The following ERBB4 variants were observed in gnomAD, a reference collection of about 807,000 sequenced individuals.
ERBB4 encodes receptor tyrosine-protein kinase erbB-4.
In ERBB4, 42 loss-of-function variants were observed where a neutral mutation model predicts 158.0. The ratio of observed to expected loss-of-function variants is 0.27; its 90% CI spans 0.21 to 0.34. The LOEUF is 0.34. Among genes scored for constraint, ERBB4 ranks in the 10% least tolerant of loss-of-function variants. The pLI is 1.00. For synonymous variants in ERBB4, 583 were observed against 558.7 expected (o/e 1.04, Z -0.61); for missense variants, 1,333 against 1,624.1 (o/e 0.82, Z 3.08).
At chr2:211,902,939 C>A (rs1371783177) in intron 3 of ERBB4, among the ~76,000 whole-genome samples, 1 of 151,886 alleles carries the variant, frequency 6.6e-6, no homozygotes, top group African/African-American at 2.4e-5. Flanking sequence ...AAAATCTTCA[C>A]TCAGTAAAAC....
chr2:212,099,070 C>G (rs2079008885), intron 2 of ERBB4, among the ~76,000 whole-genome samples: 1 of 151,496 alleles, frequency 6.6e-6, no homozygotes, highest in African/African-American at 2.4e-5. Flanking sequence ...CACTTGAGCC[C>G]AGGAGTTCAA....
chr2:211,730,498 C>T (rs1412064225), intron 5 of ERBB4, among the ~76,000 whole-genome samples: 2 of 151,906 alleles, frequency 1.3e-5, no homozygotes, highest in African/African-American at 4.8e-5. Flanking sequence ...TCCTTCAGTG[C>T]CTTTTGATTA....
chr2:211,906,797 C>T (rs182077373), intron 3 of ERBB4, among the ~76,000 whole-genome samples: 5 of 151,690 alleles, frequency 3.3e-5, no homozygotes, highest in Non-Finnish European at 4.4e-5. Context: ...AAAGTGAGAA[C>T]ATGGGGTATT....
At chr2:211,442,753 A>G (rs1219835800) in intron 20 of ERBB4, among the ~76,000 whole-genome samples, 1 of 151,998 alleles carries the variant, frequency 6.6e-6, no homozygotes, top group Non-Finnish European at 1.5e-5. Flanking sequence ...ATGAATCTCA[A>G]TAGAGCACTC....
At chr2:211,523,304 C>T (rs575282545) in intron 20 of ERBB4, among the ~76,000 whole-genome samples, 16 of 148,456 alleles carry the variant, frequency 1.1e-4, no homozygotes, top group Non-Finnish European at 2.1e-4. Context: ...CATCCCCCCA[C>T]AGCAGCTGCT....
chr2:211,839,191 G>T (rs2077413623), intron 3 of ERBB4, among the ~76,000 whole-genome samples: 1 of 126,364 alleles, frequency 7.9e-6, no homozygotes, highest in Admixed American at 7.7e-5. Flanking sequence ...GGAGGAGGAG[G>T]AGGGAAAGAA....
At chr2:211,587,853 A>ATTCCTGGT (rs2068333756) in intron 19 of ERBB4, among the ~76,000 whole-genome samples, 1 of 152,178 alleles carries the variant, frequency 6.6e-6, no homozygotes, top group African/African-American at 2.4e-5. Flanking sequence ...ACCTGGGATT[A>ATTCCTGGT]TATTCCTGGA....
intron 1 of ERBB4, among the ~76,000 whole-genome samples, chr2:212,324,628 A>G (rs1175990539): frequency 6.7e-6 from 1 of 150,226 alleles, no homozygotes; most frequent in Non-Finnish European, 1.5e-5. Context: ...AAATAGGTGG[A>G]TCTTGCCTAC....
chr2:212,022,829 C>T (rs950635266), intron 2 of ERBB4, among the ~76,000 whole-genome samples: 14 of 151,758 alleles, frequency 9.2e-5, no homozygotes, highest in Non-Finnish European at 1.3e-4. Flanking sequence ...TAAAGAGTAT[C>T]CTCTTTTGAA....
At chr2:211,740,667 G>T (rs1383357211) in intron 5 of ERBB4, among the ~76,000 whole-genome samples, 2 of 125,278 alleles carry the variant, frequency 1.6e-5, no homozygotes, top group Admixed American at 2.0e-4. Context: ...TCCCTCTGTC[G>T]CGGCGTGATC....
At chr2:212,399,536 T>TTATACATATATATATATA (rs1560213898) in intron 1 of ERBB4, among the ~76,000 whole-genome samples, 1 of 20,782 alleles carries the variant, frequency 4.8e-5, no homozygotes, top group African/African-American at 1.9e-4. Context: ...GATATATATT[T>TTATACATATATATATATA]TATATATACA....
chr2:211,668,778 C>T (rs1442351961), intron 14 of ERBB4, among the ~76,000 whole-genome samples: 1 of 152,086 alleles, frequency 6.6e-6, no homozygotes, highest in Non-Finnish European at 1.5e-5. Context: ...TATGAGATAA[C>T]TAGTGCTTAA....
At chr2:211,400,530 A>G (rs2063014290) in intron 25 of ERBB4, among the ~76,000 whole-genome samples, 1 of 152,134 alleles carries the variant, frequency 6.6e-6, no homozygotes, top group African/African-American at 2.4e-5. Flanking sequence ...GGCACAGAAG[A>G]CAAACTTTGC....
At chr2:212,245,493 A>C (rs1328733204) in intron 1 of ERBB4, among the ~76,000 whole-genome samples, 2 of 152,214 alleles carry the variant, frequency 1.3e-5, no homozygotes, top group Non-Finnish European at 2.9e-5. Flanking sequence ...TAATAACAAA[A>C]GGTTATATCA....
intron 1 of ERBB4, among the ~76,000 whole-genome samples, chr2:212,511,128 C>T (rs1226916539): frequency 1.3e-5 from 2 of 152,074 alleles, no homozygotes; most frequent in Non-Finnish European, 2.9e-5. Context: ...CCTGCAAATA[C>T]ACTGAAAAGA....
intron 1 of ERBB4, among the ~76,000 whole-genome samples, chr2:212,512,152 T>A (rs915713734): frequency 1.3e-5 from 2 of 152,150 alleles, no homozygotes; most frequent in Non-Finnish European, 2.9e-5. Context: ...AAGTTTATTC[T>A]GCCAGCAAGG....
intron 20 of ERBB4, among the ~76,000 whole-genome samples, chr2:211,497,819 G>A (rs1481488621): frequency 6.6e-6 from 1 of 152,120 alleles, no homozygotes; most frequent in African/African-American, 2.4e-5. Flanking sequence ...CTGTATAAAT[G>A]TCTGGGTCTG....
At chr2:212,507,238 T>C (rs1182317513) in intron 1 of ERBB4, among the ~76,000 whole-genome samples, 1 of 151,882 alleles carries the variant, frequency 6.6e-6, no homozygotes, top group Non-Finnish European at 1.5e-5. Context: ...CCTTTCAAAA[T>C]ATTACTGCTC....
At chr2:211,555,366 G>T (rs2067209883) in intron 20 of ERBB4, among the ~76,000 whole-genome samples, 1 of 152,034 alleles carries the variant, frequency 6.6e-6, no homozygotes, top group South Asian at 2.1e-4. Context: ...TGTATTTTTA[G>T]TAGAGGCGGG....
Sources: allele counts gnomAD v4.1 joint callset (sites outside exome capture counted in the v4.1 genomes callset), GRCh38; gene constraint gnomAD v4.1.1; transcripts MANE v1.5; gene names NCBI Gene and HGNC (gene_info 2026-07-23, HGNC 2026-07-21).